TBCD: variants seen among roughly 807,000 people sequenced by gnomAD.
The protein encoded by TBCD is tubulin folding cofactor D.
Under a neutral mutation model 169.3 loss-of-function variants are expected in TBCD, and 105 were observed. That is an observed-to-expected ratio of 0.62 (90% CI 0.53 to 0.73). TBCD has a LOEUF of 0.73. Among genes scored for constraint, TBCD ranks in the 30% least tolerant of loss-of-function variants. The pLI is 0.00. For missense variants in TBCD, 1,444 were observed against 1,600.1 expected, an observed-to-expected ratio of 0.90 and a Z score of 1.66; for synonymous variants, 700 against 643.9, an observed-to-expected ratio of 1.09 and a Z score of -1.32.
rs557301617 is a variant in TBCD at position 82,757,972 on chromosome 17, C to T, written c.235+1757C>T. Among the ~76,000 whole-genome samples, 16 of 152,258 alleles carry T rather than the reference C, an allele frequency of 1.1e-4. No homozygotes were observed. In the East Asian group the frequency reaches 3.1e-3, roughly 29 times the overall value. On this transcript the variant is annotated intron_variant, in intron 2 of 38. Transcript: ENST00000355528. ...ATCTCTTCAAGTAACAACGTTGGAC[C>T]TGTAGTTAAATGCCTTTATTCTTGC... is the stretch of plus-strand genomic sequence containing the variant.
rs139932523 is a variant in TBCD at position 82,881,499 on chromosome 17, C to T, written c.1476-2646C>T. 6.1e-3 allele frequency among the ~76,000 whole-genome samples: 928 copies of T among 152,290 alleles called. 10 individuals are homozygous for T. Among genetic ancestry groups the T allele is most frequent in the Admixed American group, 7.2e-3 (110 of 15,300 alleles). On this transcript the variant is annotated intron_variant, in intron 14 of 38. Transcript: ENST00000355528. Reference sequence around the variant, plus strand: ...AGGCCACTCCTGACAGCCCCGCACCCGCTCTGGATGGAAGCTTCTCGCTCC... The same window carrying T: ...AGGCCACTCCTGACAGCCCCGCACCTGCTCTGGATGGAAGCTTCTCGCTCC...
At chr17:82,857,761 T>TA (rs397734860) in intron 13 of TBCD, among the ~76,000 whole-genome samples, 11 of 148,950 alleles carry the variant, frequency 7.4e-5, no homozygotes, top group African/African-American at 1.5e-4. Context: ...TTTTTTTTTT[T>TA]AATTTAATTT....
chr17:82,805,032 C>T (rs1461266902), intron 9 of TBCD, among the ~76,000 whole-genome samples: 5 of 152,256 alleles, frequency 3.3e-5, no homozygotes, highest in African/African-American at 9.6e-5. Flanking sequence ...TCTCACTGGA[C>T]ACCTTTTCTG....
chr17:82,926,459 G>T lies in TBCD; in HGVS notation c.2439G>T (p.Glu813Asp). The change falls in exon 28 of 39, where the codon GAG becomes GAT. Residue 813 changes from glutamate to aspartate, a missense_variant. Physicochemically the swap from Glu to Asp is conservative, Grantham distance 45. Transcript: ENST00000355528. ...CCCCCGAGGACGTAAGTTTTGCTGA[G>T]TCCAGGAGAGACGGCTTGAAGGCCA... is the stretch of plus-strand genomic sequence containing the variant. ...HTSPEDVSFA[E>D]SRRDGLKAIA... 6.2e-7 allele frequency: 1 copy of T among 1,614,016 alleles called. No individual in the cohort carries two copies. The highest frequency in any genetic ancestry group is 8.5e-7 in the Non-Finnish European group (1 of 1,179,884).
chr17:82,860,273 C>A, intron 13 of TBCD: 1 of 724,648 alleles, frequency 1.4e-6, no homozygotes, highest in Non-Finnish European at 1.7e-6. Flanking sequence ...GCCCTGGCTT[C>A]AGGGAGGGCC....
chr17:82,884,164 G>A lies in TBCD; in HGVS notation c.1495G>A (p.Val499Met). Residue 499 changes from valine (V) to methionine (M), a missense_variant, in exon 15 of 39, where the codon GTG becomes ATG. Transcript: ENST00000355528. The surrounding 1 kb of genome is among the most constrained non-coding windows in gnomAD (Gnocchi z 4.2). ...TCACAGTGCACTGGTGATTGCTGCG[G>A]TGTTTGACCGAGACATAAACTGCAG... is the stretch of plus-strand genomic sequence containing the variant. ...AISSALVIAA[V>M]FDRDINCRRA... The A allele has an allele frequency of 4.3e-6, 7 of 1,610,790 alleles. No individual in the cohort carries two copies. Among genetic ancestry groups the A allele is most frequent in the Non-Finnish European group, 5.1e-6 (6 of 1,178,330 alleles).
chr17:82,940,575 A>G (rs1379777705), intron 37 of TBCD, among the ~76,000 whole-genome samples: 3 of 152,216 alleles, frequency 2.0e-5, no homozygotes, highest in Non-Finnish European at 1.5e-5. Flanking sequence ...CTCGGAGGAC[A>G]GAGGTGGCCT....
chr17:82,817,822 G>A (rs1002449160), intron 13 of TBCD, among the ~76,000 whole-genome samples: 1 of 152,184 alleles, frequency 6.6e-6, no homozygotes, highest in African/African-American at 2.4e-5. Flanking sequence ...TCTTTCTTGT[G>A]TTTCTGGTGT....
rs139925054 is a variant in TBCD at position 82,792,717 on chromosome 17, T to C, written c.772-5040T>C. 1.6e-4 allele frequency among the ~76,000 whole-genome samples: 24 copies of C among 152,316 alleles called. No homozygotes were observed. In the East Asian group the frequency reaches 4.0e-3, roughly 26 times the overall value. On this transcript the variant is annotated intron_variant, in intron 7 of 38. Coordinates refer to ENST00000355528, the MANE Select transcript of TBCD (RefSeq NM_005993.5). ...TAGTGTTTACCTTACAGTCCAAAGT[T>C]TGGTGAAAAATAACACTTCGTTCTG... is the stretch of plus-strand genomic sequence containing the variant.
chr17:82,805,900 G>A lies in TBCD; in HGVS notation c.976G>A (p.Ala326Thr). The part of the protein sequence containing the change: ...WRYQRGCRSL[A>T]ANLQLLTQGQ... ...GTACCAGCGTGGCTGCCGATCTTTG[G>A]CTGCAAATCTGCAGCTCCTCACTCA... The change falls in exon 10 of 39, where the codon GCT becomes ACT. Residue 326 changes from alanine to threonine, a missense_variant. By Grantham distance (58) the Ala-to-Thr change is moderately conservative. Transcript: ENST00000355528. The A allele has an allele frequency of 6.2e-7, 1 of 1,610,300 alleles. No homozygotes were observed. The highest frequency in any genetic ancestry group is 1.1e-5 in the South Asian group (1 of 91,034).
chr17:82,909,896 T>A (rs2060507865), intron 22 of TBCD, among the ~76,000 whole-genome samples: 1 of 152,234 alleles, frequency 6.6e-6, no homozygotes, highest in African/African-American at 2.4e-5. Context: ...GCAGCCTGTC[T>A]GCTCTGACAG....
chr17:82,860,196 C>T (rs773890723), intron 13 of TBCD, among the ~76,000 whole-genome samples: 1 of 152,242 alleles, frequency 6.6e-6, no homozygotes, highest in Non-Finnish European at 1.5e-5. Flanking sequence ...TGTGCTTGAG[C>T]CACTCTGTCA....
intron 29 of TBCD, 30 bp from the exon 30 acceptor site, chr17:82,927,875 G>A (rs776331718): frequency 6.2e-7 from 1 of 1,603,918 alleles, no homozygotes; most frequent in Non-Finnish European, 8.5e-7. Flanking sequence ...CTCTCAAGCT[G>A]GGTGTCTCTG....
chr17:82,799,271 C>T (rs2050322160), intron 8 of TBCD, among the ~76,000 whole-genome samples: 2 of 151,670 alleles, frequency 1.3e-5, no homozygotes, highest in African/African-American at 2.4e-5. Context: ...AGTGAAACCC[C>T]ATCTCTACTA....
chr17:82,843,840 C>T (rs2054762661), intron 13 of TBCD, among the ~76,000 whole-genome samples: 1 of 152,158 alleles, frequency 6.6e-6, no homozygotes. Flanking sequence ...AGTTCCGTCA[C>T]AGCAGTGCCA....
At chr17:82,830,582 C>A in intron 13 of TBCD, 1 of 1,614,082 alleles carries the variant, frequency 6.2e-7, no homozygotes, top group Non-Finnish European at 8.5e-7. Context: ...ACAGCAGCAG[C>A]AGGTTCTGCA....
intron 17 of TBCD, among the ~76,000 whole-genome samples, chr17:82,897,600 C>T (rs1179458431): frequency 2.0e-5 from 3 of 151,718 alleles, no homozygotes; most frequent in Admixed American, 2.0e-4. Flanking sequence ...TGCCAGTTTT[C>T]AATATGGGTT....
In TBCD at chr17:82,920,791, ACC is replaced by A. The variant is rs376776507; in HGVS notation, c.2101+175_2101+176del. Among the ~76,000 whole-genome samples the A allele has an allele frequency of 0.23, 35,043 of 151,646 alleles. 4,343 individuals carry two copies. The highest frequency in any genetic ancestry group is 0.48 in the East Asian group (2,441 of 5,102). ...ACAAGAACCTGCTTAAATAATGGGT[ACC>A]CACCGCCCTCTCCCCCCAACACAGG... is the stretch of plus-strand genomic sequence containing the variant. On this transcript the variant is annotated intron_variant, in intron 24 of 38. Transcript: ENST00000355528. The surrounding 1 kb of genome is among the most constrained non-coding windows in gnomAD (Gnocchi z 4.1).
At chr17:82,771,930 A>AAAAC (rs1568109459) in intron 5 of TBCD, among the ~76,000 whole-genome samples, 1 of 152,136 alleles carries the variant, frequency 6.6e-6, no homozygotes, top group Non-Finnish European at 1.5e-5. Flanking sequence ...TCTCAAAAAA[A>AAAAC]AAAAACAAAA....
Sources: gnomAD v4.1 joint callset for allele counts (sites outside exome capture counted in the v4.1 genomes callset) on GRCh38, gnomAD v4.1.1 for gene constraint, Gnocchi (gnomAD v3.1) non-coding constraint, MANE v1.5 for transcripts, NCBI Gene and HGNC (gene_info 2026-07-23, HGNC 2026-07-21) for gene names.